Variants in ITGA9 observed in about 807,000 individuals in gnomAD.
The protein encoded by ITGA9 is integrin alpha-9.
Under a neutral mutation model 127.8 loss-of-function variants are expected in ITGA9, and 56 were observed. The observed-to-expected ratio is 0.44, with a 90% CI of 0.35 to 0.55. ITGA9 has a LOEUF of 0.55. Ranked by LOEUF, ITGA9 falls within the 20% of genes least tolerant of loss-of-function variation. The pLI is 0.00. For synonymous variants in ITGA9, 508 were observed against 514.5 expected (o/e 0.99, Z 0.17); for missense variants, 1,196 against 1,347.1 (o/e 0.89, Z 1.76).
At chr3:37,703,856 G>A (rs1273698088) in intron 18 of ITGA9, among the ~76,000 whole-genome samples, 1 of 152,132 alleles carries the variant, frequency 6.6e-6, no homozygotes, top group Non-Finnish European at 1.5e-5. Flanking sequence ...TTCCTGATGA[G>A]GAAACCATGG....
chr3:37,774,046 C>T (rs779854982), intron 23 of ITGA9, among the ~76,000 whole-genome samples: 69 of 152,234 alleles, frequency 4.5e-4, no homozygotes, highest in Middle Eastern at 3.4e-3. Flanking sequence ...TACAATTTGC[C>T]TAATTTAGTT....
intron 11 of ITGA9, among the ~76,000 whole-genome samples, chr3:37,522,736 AAAG>A (rs1204431455): frequency 6.6e-6 from 1 of 151,914 alleles, no homozygotes; most frequent in Non-Finnish European, 1.5e-5. Flanking sequence ...AAAAAAAAAA[AAAG>A]AGAAAGTTTT....
intron 15 of ITGA9, among the ~76,000 whole-genome samples, chr3:37,594,264 C>T (rs1699848419): frequency 6.6e-6 from 1 of 152,150 alleles, no homozygotes; most frequent in African/African-American, 2.4e-5. Context: ...ACGTTTATAC[C>T]AGGAGCAAGT....
rs764223618 is a variant in ITGA9, at chr3:37,490,971, C to CCA, written c.545-3529_545-3528insAC. Among the ~76,000 whole-genome samples, 67 of 136,516 alleles carry CCA rather than the reference C, an allele frequency of 4.9e-4. 3 individuals carry two copies. In the East Asian group the frequency reaches 0.013, roughly 26 times the overall value. 89.6% of individuals were successfully genotyped at this position (136,516 alleles called of 152,430 possible). A position where few individuals can be genotyped will look rare whatever the true frequency, so the allele number is the denominator to read the frequency against. ...TTTGGGTCTCAGATTTGGCTTCCCCCCCGCTTTTTTTTTTTTTTTTTTTGA... is the reference window on the plus strand; with the variant it reads ...TTTGGGTCTCAGATTTGGCTTCCCCCCACCGCTTTTTTTTTTTTTTTTTTTGA... On this transcript the variant is annotated intron_variant, in intron 4 of 27. Transcript: ENST00000264741.
At chr3:37,756,925 G>GA (rs34984551) in intron 23 of ITGA9, among the ~76,000 whole-genome samples, 1 of 151,588 alleles carries the variant, frequency 6.6e-6, no homozygotes, top group Non-Finnish European at 1.5e-5. Flanking sequence ...TAACTTTTTA[G>GA]AAAAAAAAGA....
chr3:37,772,767 G>T (rs116650304), intron 23 of ITGA9, among the ~76,000 whole-genome samples: 1 of 152,130 alleles, frequency 6.6e-6, no homozygotes, highest in Non-Finnish European at 1.5e-5. Context: ...TGCTTTCCCC[G>T]ATTGAAGTGA....
chr3:37,462,344 T>C (rs1041906335), intron 1 of ITGA9, among the ~76,000 whole-genome samples: 1 of 152,240 alleles, frequency 6.6e-6, no homozygotes, highest in African/African-American at 2.4e-5. Context: ...CTTAGCGTTA[T>C]GTGGTGTGGA....
chr3:37,465,574 T>G (rs972399934), intron 1 of ITGA9, among the ~76,000 whole-genome samples: 2 of 152,166 alleles, frequency 1.3e-5, no homozygotes, highest in Non-Finnish European at 2.9e-5. Context: ...GCATAACCAG[T>G]GTTGGTGCAT....
intron 15 of ITGA9, among the ~76,000 whole-genome samples, chr3:37,591,754 T>A (rs560642557): frequency 6.6e-6 from 1 of 152,340 alleles, no homozygotes; most frequent in East Asian, 1.9e-4. Flanking sequence ...CTTGGCTGTC[T>A]GTGGAACCTG....
intron 18 of ITGA9, among the ~76,000 whole-genome samples, chr3:37,715,897 C>T (rs552524302): frequency 6.6e-6 from 1 of 152,274 alleles, no homozygotes; most frequent in South Asian, 2.1e-4. Context: ...TTCCCTAAAA[C>T]AAAATCCTGA....
chr3:37,510,910 A>C (rs1388045594), intron 8 of ITGA9, among the ~76,000 whole-genome samples: 1 of 152,216 alleles, frequency 6.6e-6, no homozygotes, highest in Non-Finnish European at 1.5e-5. Context: ...CTGCTTTTGA[A>C]ATAGGCCATG....
At chr3:37,590,387 C>T (rs992087637) in intron 15 of ITGA9, among the ~76,000 whole-genome samples, 1 of 152,132 alleles carries the variant, frequency 6.6e-6, no homozygotes, top group African/African-American at 2.4e-5. Flanking sequence ...TGGAGTAGAG[C>T]TGTGTGAGGG....
In ITGA9 at chr3:37,798,268, G is replaced by T. The variant is rs77938814; in HGVS notation, c.2890-5555G>T. On this transcript the variant is annotated intron_variant, in intron 26 of 27. Coordinates refer to ENST00000264741, the MANE Select transcript of ITGA9 (RefSeq NM_002207.3). Reference sequence around the variant, plus strand: ...GCCTCCCAGAGTGCTGGGATTATAGGCATGAGCCAGCATCTTCTGATTTTT... The same window carrying T: ...GCCTCCCAGAGTGCTGGGATTATAGTCATGAGCCAGCATCTTCTGATTTTT... Among the ~76,000 whole-genome samples the T allele has an allele frequency of 1.1e-3, 167 of 152,282 alleles. 4 individuals are homozygous for T. In the East Asian group the frequency reaches 0.03, roughly 27 times the overall value.
rs937814597 is a variant in ITGA9, at chr3:37,628,455, G to A, written c.1690-732G>A. On this transcript the variant is annotated intron_variant, in intron 15 of 27. Transcript: ENST00000264741. ...ATCTTTACCAGCCATGTGCCCTGGG[G>A]AACTGAGCCTTTCATTTCCCCTTTC... Among the ~76,000 whole-genome samples, 5 of 152,280 alleles carry A rather than the reference G, an allele frequency of 3.3e-5. No individual in the cohort carries two copies. In the South Asian group the frequency reaches 8.3e-4, roughly 25 times the overall value.
intron 15 of ITGA9, among the ~76,000 whole-genome samples, chr3:37,589,454 A>G (rs1656269611): frequency 6.6e-6 from 1 of 152,188 alleles, no homozygotes; most frequent in South Asian, 2.1e-4. Context: ...CATAATTAAC[A>G]TGGAGATATA....
chr3:37,773,349 AAC>A (rs2125548288), intron 23 of ITGA9, among the ~76,000 whole-genome samples: 1 of 152,360 alleles, frequency 6.6e-6, no homozygotes, highest in South Asian at 2.1e-4. Context: ...GGCTGCAGAA[AAC>A]AGTTTCCAGC....
intron 18 of ITGA9, among the ~76,000 whole-genome samples, chr3:37,701,848 A>G (rs891089019): frequency 6.6e-6 from 1 of 152,186 alleles, no homozygotes; most frequent in African/African-American, 2.4e-5. Context: ...TACAGAATAC[A>G]GAGCAGCAGT....
chr3:37,476,029 T>C (rs1579050076), intron 3 of ITGA9, among the ~76,000 whole-genome samples: 1 of 152,246 alleles, frequency 6.6e-6, no homozygotes, highest in African/African-American at 2.4e-5. Flanking sequence ...CCGGATCTCC[T>C]TCCTTTTTAA....
chr3:37,530,775 G>A (rs1257152098), intron 13 of ITGA9, among the ~76,000 whole-genome samples: 10 of 100,976 alleles, frequency 9.9e-5, no homozygotes, highest in South Asian at 3.9e-4. Context: ...TTTTTGAGAC[G>A]GAGTCTCCCG....
Sources: gnomAD v4.1 joint callset for allele counts (sites outside exome capture counted in the v4.1 genomes callset) on GRCh38, gnomAD v4.1.1 for gene constraint, MANE v1.5 for transcripts, NCBI Gene and HGNC (gene_info 2026-07-23, HGNC 2026-07-21) for gene names.